Variants in PRKX observed in about 807,000 individuals in gnomAD.
PRKX encodes protein kinase cAMP-dependent X-linked catalytic subunit, also known as cAMP-dependent protein kinase catalytic subunit PRKX.
Under a neutral mutation model 22.0 loss-of-function variants are expected in PRKX, and 12 were observed. The ratio of observed to expected loss-of-function variants is 0.54; its 90% CI spans 0.35 to 0.88. The LOEUF (loss-of-function observed/expected upper bound fraction) is 0.88. Among genes scored for constraint, PRKX ranks in the 40% least tolerant of loss-of-function variants. PRKX has a pLI of 0.01. For missense variants in PRKX, 217 were observed against 308.0 expected, an observed-to-expected ratio of 0.70 and a Z score of 2.21; for synonymous variants, 134 against 137.7, an observed-to-expected ratio of 0.97 and a Z score of 0.19.
Position 3,605,404 on chromosome X carries a change from CAATG to C in PRKX, c.*3561_*3564del, listed in dbSNP as rs1276298217. ...CACCCTGTTCACTCAGTAGCTGGAG[CAATG>C]AATGATTGTGACATTCTGGTGGGGT... is the stretch of plus-strand genomic sequence containing the variant. On this transcript the variant is annotated 3_prime_UTR_variant, in exon 9 of 9. Coordinates refer to ENST00000262848, the MANE Select transcript of PRKX (RefSeq NM_005044.5). 2 of 112,298 alleles carry C rather than the reference CAATG, an allele frequency of 1.8e-5. No homozygotes were observed. The highest frequency in any genetic ancestry group is 3.8e-5 in the Non-Finnish European group (2 of 53,293). The allele number at this position is 112,298 out of a possible 1,213,427, so 9.3% of individuals were successfully genotyped here.
chrX:3,669,501 T>C (rs1487188708), intron 2 of PRKX, among the ~76,000 whole-genome samples: 2 of 110,785 alleles, frequency 1.8e-5, no homozygotes, highest in African/African-American at 6.6e-5. Context: ...CTGGGTGGAG[T>C]CCAGGGACGC....
At chrX:3,626,883 A>G (rs1926670299) in intron 4 of PRKX, among the ~76,000 whole-genome samples, 1 of 111,988 alleles carries the variant, frequency 8.9e-6, no homozygotes, top group South Asian at 3.7e-4. Flanking sequence ...ACCGGGGTGA[A>G]TCCACCACCA....
intron 3 of PRKX, among the ~76,000 whole-genome samples, chrX:3,653,403 C>T (rs1037030603): frequency 9.1e-6 from 1 of 109,395 alleles, no homozygotes; most frequent in Non-Finnish European, 1.9e-5. Context: ...TGAGGCTGCC[C>T]AGTCTATGAG....
chrX:3,706,507 T>C (rs1474697012), intron 1 of PRKX, among the ~76,000 whole-genome samples: 1 of 109,974 alleles, frequency 9.1e-6, no homozygotes, highest in Non-Finnish European at 1.9e-5. Flanking sequence ...TTTTATTTTT[T>C]GAGACAAGGT....
intron 7 of PRKX, among the ~76,000 whole-genome samples, chrX:3,613,884 G>A (rs28510394): frequency 0.019 from 1,337 of 69,883 alleles, 78 homozygotes; most frequent in East Asian, 0.11. Flanking sequence ...AAAAAAAGAA[G>A]CGTATCATCC....
intron 3 of PRKX, among the ~76,000 whole-genome samples, chrX:3,653,701 TATATATA>T (rs1569051137): frequency 1.4e-4 from 9 of 65,538 alleles, no homozygotes; most frequent in Non-Finnish European, 2.4e-4. Flanking sequence ...TACTATGTGA[TATATATA>T]ATATATATAA....
In PRKX at chrX:3,689,888, G is replaced by A. The variant is rs112421495; in HGVS notation, c.167-15122C>T. Among the ~76,000 whole-genome samples, 983 of 111,003 alleles carry A rather than the reference G, an allele frequency of 8.9e-3. 2 individuals carry two copies. Among genetic ancestry groups the A allele is most frequent in the African/African-American group, 0.014 (437 of 30,570 alleles). On this transcript the variant is annotated intron_variant, in intron 1 of 8. Coordinates refer to ENST00000262848, the MANE Select transcript of PRKX (RefSeq NM_005044.5). The stretch of plus-strand genomic sequence containing the variant: ...GCTACTCAGGAGGCTGGGGCAGGAG[G>A]ATGGCGTGAACCCGGGAGGCAGAGC...
intron 3 of PRKX, among the ~76,000 whole-genome samples, chrX:3,650,948 G>A (rs1206699661): frequency 1.9e-5 from 2 of 106,104 alleles, no homozygotes; most frequent in African/African-American, 7.0e-5. Flanking sequence ...CATCTATTCT[G>A]TAGTGGTCCA....
chrX:3,707,406 C>T (rs1217727251), intron 1 of PRKX, among the ~76,000 whole-genome samples: 5 of 111,005 alleles, frequency 4.5e-5, no homozygotes, highest in Non-Finnish European at 9.4e-5. Flanking sequence ...TCTATTCATG[C>T]GGTGGATGGT....
chrX:3,703,669 G>GTTTT (rs1242835644), intron 1 of PRKX, among the ~76,000 whole-genome samples: 5 of 64,165 alleles, frequency 7.8e-5, no homozygotes, highest in South Asian at 8.7e-4. Context: ...TTTTTTGGTT[G>GTTTT]TTTTTTTTTT....
intron 1 of PRKX, among the ~76,000 whole-genome samples, chrX:3,689,787 C>T (rs370801201): frequency 4.5e-5 from 5 of 111,670 alleles, no homozygotes; most frequent in African/African-American, 1.3e-4. Flanking sequence ...ACCATCCTGG[C>T]TAACACGGTG....
chrX:3,630,720 A>T (rs1223015832), intron 4 of PRKX, among the ~76,000 whole-genome samples: 3 of 111,245 alleles, frequency 2.7e-5, no homozygotes, highest in African/African-American at 9.8e-5. Flanking sequence ...GAAGTACTAC[A>T]CTTTAAAACC....
At chrX:3,639,386 A>G in intron 4 of PRKX, among the ~76,000 whole-genome samples, 1 of 4,393 alleles carries the variant, frequency 2.3e-4, no homozygotes, top group African/African-American at 7.0e-4. Context: ...TAGATGGATG[A>G]AGGGGTAGAG....
chrX:3,640,240 G>A (rs762010984), intron 4 of PRKX, among the ~76,000 whole-genome samples: 23 of 109,841 alleles, frequency 2.1e-4, no homozygotes, highest in African/African-American at 5.3e-4. Context: ...GGCAAAGCGC[G>A]GCAGAGGCTC....
At chrX:3,689,812 C>T (rs1190593934) in intron 1 of PRKX, among the ~76,000 whole-genome samples, 12 of 111,421 alleles carry the variant, frequency 1.1e-4, no homozygotes, top group Non-Finnish European at 1.9e-4. Context: ...CCTGTCTCCA[C>T]TAAAAATACA....
intron 6 of PRKX, among the ~76,000 whole-genome samples, chrX:3,619,987 T>C (rs1347906686): frequency 7.1e-5 from 8 of 111,905 alleles, no homozygotes; most frequent in African/African-American, 1.6e-4. Context: ...AATTCAGGGA[T>C]GTCAAAACAC....
chrX:3,674,900 T>C (rs959644392), intron 1 of PRKX, 134 bp from the exon 2 acceptor site: 3 of 727,112 alleles, frequency 4.1e-6, no homozygotes, highest in Non-Finnish European at 6.2e-6. Flanking sequence ...AGAGACTTTG[T>C]GTCATGGTGC....
At chrX:3,631,705 G>A (rs1193036571) in intron 4 of PRKX, among the ~76,000 whole-genome samples, 7 of 111,179 alleles carry the variant, frequency 6.3e-5, no homozygotes, top group Admixed American at 1.9e-4. Context: ...AGAGACTGAA[G>A]AGGAGACAGA....
chrX:3,640,072 C>G lies in PRKX; in HGVS notation c.719+1780G>C, dbSNP rs189064418. On this transcript the variant is annotated intron_variant, in intron 4 of 8. Transcript: ENST00000262848. ...CCCAGTAAAACTCTGGTCTTTACCC[C>G]CTGCAGGGAATCAGAGAGATGTGAG... 2.7e-4 allele frequency among the ~76,000 whole-genome samples: 30 copies of G among 110,733 alleles called. No individual in the cohort carries two copies. In the East Asian group the frequency reaches 6.9e-3, roughly 26 times the overall value.
Sources: gnomAD v4.1 joint callset for allele counts (sites outside exome capture counted in the v4.1 genomes callset) on GRCh38, gnomAD v4.1.1 for gene constraint, MANE v1.5 for transcripts, NCBI Gene and HGNC (gene_info 2026-07-23, HGNC 2026-07-21) for gene names.